Variants in PTPRD observed in about 807,000 individuals in gnomAD.
PTPRD encodes receptor-type tyrosine-protein phosphatase delta.
A neutral mutation model predicts 214.5 loss-of-function variants in PTPRD; 34 were observed. The ratio of observed to expected loss-of-function variants is 0.16; its 90% confidence interval spans 0.12 to 0.21. The LOEUF (loss-of-function observed/expected upper bound fraction) is 0.21, where lower values mean the gene tolerates loss of function less well. Ranked by LOEUF, PTPRD falls within the 10% of genes least tolerant of loss-of-function variation. PTPRD has a pLI of 1.00. For synonymous variants in PTPRD, 1,128 were observed against 845.7 expected, an observed-to-expected ratio of 1.33 and a Z score of -5.79; for missense variants, 2,545 against 2,398.7, an observed-to-expected ratio of 1.06 and a Z score of -1.27.
chr9:9,525,745 G>A (rs1397394969), intron 8 of PTPRD, among the ~76,000 whole-genome samples: 1 of 151,486 alleles, frequency 6.6e-6, no homozygotes, highest in Non-Finnish European at 1.5e-5. Flanking sequence ...GTATAAAAGA[G>A]TTTGAAAACC....
chr9:9,775,213 A>C (rs2098787723), intron 5 of PTPRD, among the ~76,000 whole-genome samples: 1 of 152,226 alleles, frequency 6.6e-6, no homozygotes, highest in Non-Finnish European at 1.5e-5. Context: ...TTTTAACCAC[A>C]GAGAATTTTA....
chr9:8,633,012 T>C (rs929325071), intron 14 of PTPRD, among the ~76,000 whole-genome samples: 3 of 151,870 alleles, frequency 2.0e-5, no homozygotes, highest in Non-Finnish European at 2.9e-5. Flanking sequence ...AATGCCAACA[T>C]ATAAAAGAGT....
intron 5 of PTPRD, among the ~76,000 whole-genome samples, chr9:9,873,287 T>C (rs992853748): frequency 1.3e-5 from 2 of 152,132 alleles, no homozygotes; most frequent in African/African-American, 4.8e-5. Flanking sequence ...CTTTCAGTGG[T>C]GGAAACATTA....
At chr9:8,414,207 A>G (rs536446269) in intron 35 of PTPRD, among the ~76,000 whole-genome samples, 34 of 152,200 alleles carry the variant, frequency 2.2e-4, no homozygotes, top group African/African-American at 8.2e-4. Flanking sequence ...AAAAAAAAAA[A>G]TTTAAATAAA....
chr9:9,805,191 C>A (rs1035736594), intron 5 of PTPRD, among the ~76,000 whole-genome samples: 1 of 152,076 alleles, frequency 6.6e-6, no homozygotes, highest in African/African-American at 2.4e-5. Flanking sequence ...GCAAATGTCT[C>A]AATAACCCCC....
intron 5 of PTPRD, among the ~76,000 whole-genome samples, chr9:9,780,215 A>G (rs1184842129): frequency 2.6e-5 from 4 of 152,112 alleles, no homozygotes; most frequent in Non-Finnish European, 5.9e-5. Flanking sequence ...TTGAACACAC[A>G]TCAACATAAA....
chr9:10,156,771 T>A (rs2099095915), intron 3 of PTPRD, among the ~76,000 whole-genome samples: 1 of 152,158 alleles, frequency 6.6e-6, no homozygotes, highest in Admixed American at 6.6e-5. Context: ...GGAGTCTAAG[T>A]CTCTTGGAAA....
chr9:8,511,644 G>A (rs759399040), intron 21 of PTPRD, among the ~76,000 whole-genome samples: 2 of 151,992 alleles, frequency 1.3e-5, no homozygotes, highest in Non-Finnish European at 2.9e-5. Context: ...TCAAAGGAGA[G>A]ATATGATATT....
At chr9:9,651,140 C>T (rs992529687) in intron 7 of PTPRD, among the ~76,000 whole-genome samples, 1 of 152,158 alleles carries the variant, frequency 6.6e-6, no homozygotes, top group Non-Finnish European at 1.5e-5. Flanking sequence ...ATCACCAAAT[C>T]ATTGGTTCTT....
chr9:8,317,861 G>T lies in PTPRD; in HGVS notation c.*13C>A. ...AGGGCCTGTAGTAAAAATCCAGAAT[G>T]GGTCAGGGGTTTCTACGTTGCATAG... is the stretch of plus-strand genomic sequence containing the variant. On this transcript the variant is annotated 3_prime_UTR_variant, in exon 46 of 46. Transcript: ENST00000381196. 1 of 1,611,436 alleles carries T rather than the reference G, an allele frequency of 6.2e-7. No individual in the cohort carries two copies. The highest frequency in any genetic ancestry group is 8.5e-7 in the Non-Finnish European group (1 of 1,178,068).
intron 7 of PTPRD, among the ~76,000 whole-genome samples, chr9:9,662,478 C>T (rs1026986231): frequency 1.3e-5 from 2 of 151,528 alleles, no homozygotes; most frequent in Non-Finnish European, 3.0e-5. Flanking sequence ...TAGAGAAAAC[C>T]ATCAGCAAGG....
At chr9:9,840,039 T>C (rs546736881) in intron 5 of PTPRD, among the ~76,000 whole-genome samples, 7 of 152,156 alleles carry the variant, frequency 4.6e-5, no homozygotes, top group Non-Finnish European at 8.8e-5. Context: ...TTTATTATTA[T>C]TATTTATTAT....
chr9:9,647,048 C>G (rs1403577005), intron 7 of PTPRD, among the ~76,000 whole-genome samples: 3 of 152,096 alleles, frequency 2.0e-5, no homozygotes, highest in African/African-American at 7.2e-5. Context: ...CATCTCTTTG[C>G]CCATCTGTGC....
chr9:9,869,204 C>G (rs1179571433), intron 5 of PTPRD, among the ~76,000 whole-genome samples: 1 of 152,058 alleles, frequency 6.6e-6, no homozygotes, highest in Non-Finnish European at 1.5e-5. Context: ...TCTGAACAAA[C>G]CAAATAGGCT....
chr9:10,416,948 T>A (rs1428712808), intron 2 of PTPRD, among the ~76,000 whole-genome samples: 5 of 152,032 alleles, frequency 3.3e-5, no homozygotes, highest in African/African-American at 1.2e-4. Flanking sequence ...AAATAGATTT[T>A]GCAGGAACTC....
chr9:9,141,626 A>G (rs2099860569), intron 10 of PTPRD, among the ~76,000 whole-genome samples: 1 of 151,680 alleles, frequency 6.6e-6, no homozygotes, highest in African/African-American at 2.4e-5. Flanking sequence ...AACAGTGCAC[A>G]TCATGAAGAA....
At chr9:9,791,045 T>C (rs537034387) in intron 5 of PTPRD, among the ~76,000 whole-genome samples, 1 of 152,264 alleles carries the variant, frequency 6.6e-6, no homozygotes, top group East Asian at 1.9e-4. Context: ...CAGCTTATAG[T>C]AGAATGCATT....
chr9:9,473,163 T>C (rs1477224782), intron 8 of PTPRD, among the ~76,000 whole-genome samples: 2 of 152,178 alleles, frequency 1.3e-5, no homozygotes, highest in African/African-American at 4.8e-5. Context: ...AATTCTACTC[T>C]CTACTTCTGA....
At chr9:9,826,184 A>C (rs2153587906) in intron 5 of PTPRD, among the ~76,000 whole-genome samples, 1 of 151,808 alleles carries the variant, frequency 6.6e-6, no homozygotes, top group African/African-American at 2.4e-5. Context: ...TTTACTTTCT[A>C]AAATATGACT....
Sources: gnomAD v4.1 joint callset for allele counts (sites outside exome capture counted in the v4.1 genomes callset) on GRCh38, gnomAD v4.1.1 for gene constraint, MANE v1.5 for transcripts, NCBI Gene and HGNC (gene_info 2026-07-23, HGNC 2026-07-21) for gene names.